Variants in CACNA1E observed in about 807,000 individuals in gnomAD.
The protein encoded by CACNA1E is calcium voltage-gated channel subunit alpha1 E, also known as voltage-dependent R-type calcium channel subunit alpha-1E.
CACNA1E carries 40 observed loss-of-function variants against 259.2 expected under a neutral mutation model. The observed-to-expected ratio is 0.15, with a 90% CI of 0.12 to 0.20. The LOEUF is 0.20. Among genes scored for constraint, CACNA1E ranks in the 10% least tolerant of loss-of-function variants. CACNA1E has a pLI of 1.00. For synonymous variants in CACNA1E, 1,104 were observed against 1,138.5 expected, an observed-to-expected ratio of 0.97 and a Z score of 0.61; for missense variants, 1,874 against 3,040.1, an observed-to-expected ratio of 0.62 and a Z score of 9.02.
intron 3 of CACNA1E, among the ~76,000 whole-genome samples, chr1:181,567,415 C>T (rs1649954275): frequency 6.6e-6 from 1 of 152,008 alleles, no homozygotes; most frequent in Non-Finnish European, 1.5e-5. Flanking sequence ...AACTCAGAGC[C>T]ATATGTATTG....
intron 3 of CACNA1E, among the ~76,000 whole-genome samples, chr1:181,564,968 A>G (rs1276006299): frequency 1.3e-5 from 2 of 151,944 alleles, no homozygotes; most frequent in African/African-American, 4.8e-5. Flanking sequence ...GTGCTGTCAC[A>G]CAGGCTTTGC....
intron 1 of CACNA1E, among the ~76,000 whole-genome samples, chr1:181,392,355 C>T (rs761852833): frequency 6.6e-6 from 1 of 152,212 alleles, no homozygotes; most frequent in Non-Finnish European, 1.5e-5. Context: ...TTCCAGGAAG[C>T]CTTCCTGGTT....
At chr1:181,554,310 A>G (rs776192342) in intron 3 of CACNA1E, among the ~76,000 whole-genome samples, 2 of 152,216 alleles carry the variant, frequency 1.3e-5, no homozygotes, top group African/African-American at 2.4e-5. Flanking sequence ...CACTGCGCCC[A>G]GCCTGAATTT....
chr1:181,782,891 A>G (rs1274003318), intron 39 of CACNA1E, among the ~76,000 whole-genome samples: 1 of 152,132 alleles, frequency 6.6e-6, no homozygotes, highest in Non-Finnish European at 1.5e-5. Flanking sequence ...GGATTGGAGG[A>G]AAAGTTAAAG....
chr1:181,593,765 C>T (rs1201190476), intron 6 of CACNA1E, among the ~76,000 whole-genome samples: 1 of 152,140 alleles, frequency 6.6e-6, no homozygotes, highest in Admixed American at 6.5e-5. Context: ...TTTCGAACTC[C>T]TGACCTCGTG....
intron 1 of CACNA1E, among the ~76,000 whole-genome samples, chr1:181,362,259 C>A (rs1172898709): frequency 6.6e-6 from 1 of 152,222 alleles, no homozygotes; most frequent in Non-Finnish European, 1.5e-5. Context: ...ACTCCTGACT[C>A]TTTCTCCCTG....
intron 1 of CACNA1E, among the ~76,000 whole-genome samples, chr1:181,504,643 G>A (rs894381322): frequency 1.3e-5 from 2 of 152,184 alleles, no homozygotes; most frequent in Non-Finnish European, 2.9e-5. Context: ...AGGCCCCCAG[G>A]GCTCCGGTGA....
chr1:181,592,971 A>G (rs1241204979), intron 6 of CACNA1E, among the ~76,000 whole-genome samples: 2 of 152,162 alleles, frequency 1.3e-5, no homozygotes, highest in Non-Finnish European at 2.9e-5. Flanking sequence ...CCCTCCTGCC[A>G]TAAGCCCCAT....
intron 1 of CACNA1E, among the ~76,000 whole-genome samples, chr1:181,326,017 C>T (rs1020814043): frequency 5.9e-5 from 9 of 152,342 alleles, no homozygotes; most frequent in Middle Eastern, 3.4e-3. Flanking sequence ...CCACCCGCTC[C>T]GCCGCCGGTT....
intron 1 of CACNA1E, among the ~76,000 whole-genome samples, chr1:181,329,533 C>T (rs551448382): frequency 6.6e-6 from 1 of 152,326 alleles, no homozygotes; most frequent in East Asian, 1.9e-4. Flanking sequence ...ACACGCCACA[C>T]TCTTTCTCAC....
chr1:181,417,541 C>A (rs1658360930), intron 2 of CACNA1E, among the ~76,000 whole-genome samples: 1 of 152,198 alleles, frequency 6.6e-6, no homozygotes, highest in East Asian at 1.9e-4. Context: ...TACATATGGG[C>A]AGGTGACCAT....
intron 3 of CACNA1E, among the ~76,000 whole-genome samples, chr1:181,556,209 A>T (rs1219122209): frequency 6.6e-6 from 1 of 152,122 alleles, no homozygotes; most frequent in Non-Finnish European, 1.5e-5. Context: ...TTCTTACTAG[A>T]TGTCTTGCAT....
intron 1 of CACNA1E, among the ~76,000 whole-genome samples, chr1:181,324,904 G>C (rs551067455): frequency 6.6e-6 from 1 of 152,258 alleles, no homozygotes; most frequent in Non-Finnish European, 1.5e-5. Flanking sequence ...GCAGGAATTG[G>C]GAAGAGACGT....
chr1:181,440,653 G>A (rs781634113), intron 2 of CACNA1E, among the ~76,000 whole-genome samples: 4 of 152,034 alleles, frequency 2.6e-5, no homozygotes, highest in Non-Finnish European at 4.4e-5. Flanking sequence ...GCCCTGCCTG[G>A]GGCCACTGCT....
At chr1:181,446,205 A>G (rs950263138) in intron 2 of CACNA1E, among the ~76,000 whole-genome samples, 21 of 152,166 alleles carry the variant, frequency 1.4e-4, no homozygotes, top group Non-Finnish European at 2.6e-4. Flanking sequence ...GGCAGGGGCC[A>G]TTGTTCTGGA....
intron 2 of CACNA1E, among the ~76,000 whole-genome samples, chr1:181,455,998 TAA>T (rs954601934): frequency 1.8e-4 from 28 of 152,146 alleles, no homozygotes; most frequent in African/African-American, 6.8e-4. Context: ...TACCATTGAC[TAA>T]AATGGGAAGA....
At chr1:181,365,228 C>T (rs754553680) in intron 1 of CACNA1E, among the ~76,000 whole-genome samples, 6 of 152,126 alleles carry the variant, frequency 3.9e-5, no homozygotes, top group South Asian at 2.1e-4. Context: ...AGTGCAGTGA[C>T]GCGATCATGG....
intron 22 of CACNA1E, among the ~76,000 whole-genome samples, chr1:181,737,145 T>A (rs995399882): frequency 2.6e-5 from 4 of 152,348 alleles, no homozygotes; most frequent in African/African-American, 9.6e-5. Flanking sequence ...TCTCTTTTTA[T>A]GTTTTTTGGT....
At chr1:181,700,392 T>C (rs1447453398) in intron 7 of CACNA1E, among the ~76,000 whole-genome samples, 2 of 152,182 alleles carry the variant, frequency 1.3e-5, no homozygotes, top group African/African-American at 4.8e-5. Context: ...TCTGAACTGC[T>C]TCTTGTCTGG....
Sources: gnomAD v4.1 joint callset for allele counts (sites outside exome capture counted in the v4.1 genomes callset) on GRCh38, gnomAD v4.1.1 for gene constraint, MANE v1.5 for transcripts, NCBI Gene and HGNC (gene_info 2026-07-23, HGNC 2026-07-21) for gene names.